SMIM24: variants seen among roughly 807,000 people sequenced by gnomAD.
SMIM24 encodes the protein MAP17-related dimer.
Under a neutral mutation model 10.8 loss-of-function variants are expected in SMIM24, and 6 were observed. The ratio of observed to expected loss-of-function variants is 0.55; its 90% CI spans 0.30 to 1.09. SMIM24 has a LOEUF of 1.09. Ranked by LOEUF, SMIM24 falls within the 50% of genes least tolerant of loss-of-function variation. The pLI, the probability that SMIM24 is intolerant of heterozygous loss-of-function variation, is 0.06. For missense variants in SMIM24, 151 were observed against 153.4 expected (o/e 0.98, Z 0.08); for synonymous variants, 71 against 62.4 (o/e 1.14, Z -0.65).
Position 3,474,627 on chromosome 19 carries a change from G to C in SMIM24, c.*216C>G. The C allele has an allele frequency of 1.7e-6, 1 of 573,808 alleles. No individual in the cohort carries two copies. The allele number at this position is 573,808 out of a possible 1,614,324, so 35.5% of individuals were successfully genotyped here. A position where few individuals can be genotyped will look rare whatever the true frequency, so the allele number is the denominator to read the frequency against. On this transcript the variant is annotated 3_prime_UTR_variant, in exon 4 of 4. Coordinates refer to ENST00000215531, the MANE Select transcript of SMIM24 (RefSeq NM_001136503.2). The stretch of plus-strand genomic sequence containing the variant: ...GAGTATAAGAAGAATCACCAGGCAG[G>C]GACCAAGCTCAGGAAGAGGGGTGCA...
rs1373606628 is a variant in SMIM24, at chr19:3,474,620, C to G, written c.*223G>C. 5.5e-6 allele frequency: 3 copies of G among 550,090 alleles called. No homozygotes were observed. The highest frequency in any genetic ancestry group is 9.4e-6 in the Non-Finnish European group (3 of 317,592). 34.1% of individuals were successfully genotyped at this position (550,090 alleles called of 1,614,324 possible). On this transcript the variant is annotated 3_prime_UTR_variant, in exon 4 of 4. Coordinates refer to ENST00000215531, the MANE Select transcript of SMIM24 (RefSeq NM_001136503.2). ...GCTCTCCGAGTATAAGAAGAATCAC[C>G]AGGCAGGGACCAAGCTCAGGAAGAG... is the stretch of plus-strand genomic sequence containing the variant.
intron 3 of SMIM24, 77 bp from the exon 4 acceptor site, chr19:3,475,073 C>A: frequency 6.9e-7 from 1 of 1,451,378 alleles, no homozygotes; most frequent in Non-Finnish European, 9.3e-7. Context: ...CTTGAGCCAG[C>A]CCATGTGATG....
At chr19:3,478,338 C>T in intron 3 of SMIM24, 81 bp downstream of exon 3, 1 of 1,332,566 alleles carries the variant, frequency 7.5e-7, no homozygotes, top group South Asian at 1.3e-5. Context: ...GGATTCAGGA[C>T]AGCAAGGTCA....
intron 3 of SMIM24, among the ~76,000 whole-genome samples, chr19:3,477,192 G>A (rs2082796245): frequency 6.7e-6 from 1 of 148,838 alleles, no homozygotes; most frequent in Non-Finnish European, 1.5e-5. Flanking sequence ...GGGGGTGGGT[G>A]ATGGATGGAT....
intron 3 of SMIM24, 45 bp downstream of exon 3, chr19:3,478,374 C>T (rs1419667742): frequency 4.0e-6 from 6 of 1,516,876 alleles, no homozygotes; most frequent in Non-Finnish European, 5.3e-6. Context: ...TCCCCCACCC[C>T]GAGGAGGGGT....
Position 3,474,561 on chromosome 19 carries a change from G to C in SMIM24, c.*282C>G. 1 of 428,192 alleles carries C rather than the reference G, an allele frequency of 2.3e-6. No homozygotes were observed. The highest frequency in any genetic ancestry group is 4.0e-5 in the South Asian group (1 of 24,786). The allele number at this position is 428,192 out of a possible 1,614,324, so 26.5% of individuals were successfully genotyped here. ...GAGAAGCAGGTGGAGCCATGAGATC[G>C]TGGAGGATTGCGGGTGTCTCCTCAA... On this transcript the variant is annotated 3_prime_UTR_variant, in exon 4 of 4. Coordinates refer to ENST00000215531, the MANE Select transcript of SMIM24 (RefSeq NM_001136503.2).
At position 3,478,479 on chromosome 19, in the gene SMIM24, C is replaced by G; in HGVS notation, c.180-1G>C. 4 of 1,547,510 alleles carry G rather than the reference C, an allele frequency of 2.6e-6. No homozygotes were observed. The highest frequency in any genetic ancestry group is 3.5e-6 in the Non-Finnish European group (4 of 1,145,966). On this transcript the variant is annotated splice_acceptor_variant, in intron 2 of 3. Coordinates refer to ENST00000215531, the MANE Select transcript of SMIM24 (RefSeq NM_001136503.2). LOFTEE classifies it high-confidence loss of function. ...CGTGGTCTCCTCCTCGTCCTCAGCC[C>G]TGCAGAGATAAAGGGAAAGGTGGAA...
Position 3,474,626 on chromosome 19 carries a change from G to A in SMIM24, c.*217C>T. 1 of 569,836 alleles carries A rather than the reference G, an allele frequency of 1.8e-6. No homozygotes were observed. The highest frequency in any genetic ancestry group is 2.7e-5 in the South Asian group (1 of 36,574). 35.3% of individuals were successfully genotyped at this position (569,836 alleles called of 1,614,324 possible). Reference sequence around the variant, plus strand: ...CGAGTATAAGAAGAATCACCAGGCAGGGACCAAGCTCAGGAAGAGGGGTGC... The same window carrying A: ...CGAGTATAAGAAGAATCACCAGGCAAGGACCAAGCTCAGGAAGAGGGGTGC... On this transcript the variant is annotated 3_prime_UTR_variant, in exon 4 of 4. Coordinates refer to ENST00000215531, the MANE Select transcript of SMIM24 (RefSeq NM_001136503.2).
intron 1 of SMIM24, 29 bp downstream of exon 1, chr19:3,480,368 G>T: frequency 7.2e-7 from 1 of 1,383,406 alleles, no homozygotes; most frequent in Non-Finnish European, 9.7e-7. Flanking sequence ...CCTATCCCGC[G>T]ACGCCCCCTC....
Position 3,478,434 on chromosome 19 carries a change from AG to A in SMIM24, c.223del (p.Leu75TyrfsTer87). 1 of 1,549,184 alleles carries A rather than the reference AG, an allele frequency of 6.5e-7. No individual in the cohort carries two copies. The highest frequency in any genetic ancestry group is 8.7e-7 in the Non-Finnish European group (1 of 1,146,284). Reference sequence around the variant, plus strand: ...CGCATAGTACCTCTGGTCCTGGTATAGGTTGGACTCCATTCTGAACGTGGTC... The same window carrying A: ...CGCATAGTACCTCTGGTCCTGGTATAGTTGGACTCCATTCTGAACGTGGTC... ...EETTFRMESNLYQDQSEDKRE... is the reference protein window; with the variant it reads ...EETTFRMESNXYQDQSEDKRE... On this transcript the variant is annotated frameshift_variant, in exon 3 of 4. Transcript: ENST00000215531. LOFTEE classifies it low-confidence loss of function (END_TRUNC).
intron 1 of SMIM24, among the ~76,000 whole-genome samples, chr19:3,479,276 G>A (rs572733268): frequency 2.0e-5 from 3 of 150,500 alleles, no homozygotes; most frequent in Admixed American, 6.6e-5. Context: ...TTATAAAGGC[G>A]GACCTCAGAA....
intron 3 of SMIM24, among the ~76,000 whole-genome samples, chr19:3,477,747 GA>G (rs2082800049): frequency 7.4e-6 from 1 of 135,044 alleles, no homozygotes; most frequent in African/African-American, 2.7e-5. Flanking sequence ...GTGAATGGGT[GA>G]GTGGGTGGAT....
intron 3 of SMIM24, 23 bp downstream of exon 3, chr19:3,478,396 C>T (rs1376162314): frequency 1.3e-6 from 2 of 1,545,356 alleles, no homozygotes; most frequent in Admixed American, 4.0e-5. Flanking sequence ...CACACAGACC[C>T]CCAGCATCCG....
chr19:3,475,636 T>C (rs78963648), intron 3 of SMIM24, among the ~76,000 whole-genome samples: 12,401 of 137,812 alleles, frequency 0.09, 633 homozygotes, highest in Middle Eastern at 0.2. Context: ...GGTGGACGGA[T>C]GGTAGGTGGA....
intron 3 of SMIM24, among the ~76,000 whole-genome samples, chr19:3,477,650 A>G (rs1448627622): frequency 3.2e-5 from 3 of 93,486 alleles, no homozygotes; most frequent in Non-Finnish European, 6.3e-5. Flanking sequence ...GAGTGGGTGG[A>G]TGGGTGAGTG....
chr19:3,478,851 A>G lies in SMIM24; in HGVS notation c.146T>C (p.Leu49Ser), dbSNP rs1599751196. Residue 49 changes from leucine (L) to serine (S), a missense_variant, in exon 2 of 4, where the codon TTG becomes TCG. Physicochemically the swap from Leu to Ser is moderately radical, Grantham distance 145. Coordinates refer to ENST00000215531, the MANE Select transcript of SMIM24 (RefSeq NM_001136503.2). ...VGFLFIVYLV[L>S]LANRLWCSKA... The stretch of plus-strand genomic sequence containing the variant: ...GGAACACCAGAGGCGGTTGGCCAGC[A>G]AGACCAAATAGACGATGAACAGGAA... 6.5e-7 allele frequency: 1 copy of G among 1,549,840 alleles called. No homozygotes were observed. The highest frequency in any genetic ancestry group is 8.7e-7 in the Non-Finnish European group (1 of 1,146,700).
intron 1 of SMIM24, 35 bp downstream of exon 1, chr19:3,480,362 T>G: frequency 7.8e-7 from 1 of 1,285,840 alleles, no homozygotes; most frequent in Non-Finnish European, 1.1e-6. Context: ...AACTCCCCTA[T>G]CCCGCGACGC....
At chr19:3,478,744 G>A in intron 2 of SMIM24, 74 bp downstream of exon 2, 1 of 1,192,960 alleles carries the variant, frequency 8.4e-7, no homozygotes, top group Admixed American at 2.2e-5. Flanking sequence ...TGGTGATGGG[G>A]GTACCAGAGA....
intron 3 of SMIM24, 142 bp from the exon 4 acceptor site, chr19:3,475,138 C>T: frequency 3.0e-6 from 3 of 996,614 alleles, no homozygotes; most frequent in Non-Finnish European, 2.9e-6. Flanking sequence ...AACTACGCGG[C>T]CTCACGATTT....
Sources: gnomAD v4.1 joint callset for allele counts (sites outside exome capture counted in the v4.1 genomes callset) on GRCh38, gnomAD v4.1.1 for gene constraint, MANE v1.5 for transcripts, NCBI Gene and HGNC (gene_info 2026-07-23, HGNC 2026-07-21) for gene names.